Variants in PHF24 observed in about 807,000 individuals in gnomAD.
PHF24 encodes Galpha inhibitory interacting protein.
In PHF24, 25 loss-of-function variants were observed where a neutral mutation model predicts 42.6. The observed-to-expected ratio is 0.59, with a 90% confidence interval of 0.43 to 0.82. The LOEUF (loss-of-function observed/expected upper bound fraction) is 0.82, where lower values mean the gene tolerates loss of function less well. PHF24 is among the 40% of genes least tolerant of loss of function. PHF24 has a pLI of 0.00. For synonymous variants in PHF24, 185 were observed against 204.8 expected (o/e 0.90, Z 0.83); for missense variants, 470 against 538.1 (o/e 0.87, Z 1.25).
At chr9:34,976,368 C>T in intron 4 of PHF24, 138 bp downstream of exon 4, 1 of 965,410 alleles carries the variant, frequency 1.0e-6, no homozygotes, top group Non-Finnish European at 1.6e-6. Context: ...GAGTTGTTGG[C>T]CAGCAGAGTC....
chr9:34,847,556 T>C, the PHF24 span, among the ~76,000 whole-genome samples: 7 of 151,948 alleles, frequency 4.6e-5, no homozygotes, highest in Non-Finnish European at 1.0e-4. Context: ...ACAGGGACAA[T>C]TGGACTTCCT....
chr9:34,900,828 C>T, the PHF24 span, among the ~76,000 whole-genome samples: 1 of 152,152 alleles, frequency 6.6e-6, no homozygotes, highest in Non-Finnish European at 1.5e-5. Context: ...CTCTCTTCTG[C>T]TTTTCTGCCC....
chr9:34,867,804 A>G, the PHF24 span, among the ~76,000 whole-genome samples: 5 of 152,174 alleles, frequency 3.3e-5, no homozygotes, highest in African/African-American at 1.2e-4. Context: ...CTCTCAAACA[A>G]TTCTTCAGGC....
the PHF24 span, chr9:34,893,183 A>G: frequency 2.1e-6 from 1 of 487,588 alleles, no homozygotes; most frequent in African/African-American, 1.9e-5. Flanking sequence ...AACATTAATG[A>G]TGGAGTGACA....
the PHF24 span, among the ~76,000 whole-genome samples, chr9:34,900,311 T>C: frequency 1.3e-5 from 2 of 152,100 alleles, no homozygotes; most frequent in Admixed American, 1.3e-4. Flanking sequence ...AATCAATTAA[T>C]GTGAAGGCCA....
chr9:34,885,839 C>T, the PHF24 span, among the ~76,000 whole-genome samples: 66 of 151,874 alleles, frequency 4.3e-4, no homozygotes, highest in African/African-American at 1.2e-3. Flanking sequence ...TGCCCACCTA[C>T]ACTCTCACAC....
chr9:34,794,216 A>C, the PHF24 span, among the ~76,000 whole-genome samples: 2 of 152,154 alleles, frequency 1.3e-5, no homozygotes, highest in African/African-American at 4.8e-5. Flanking sequence ...TTGGTGGTGC[A>C]CATGCAAGAA....
At chr9:34,685,279 C>A in the PHF24 span, among the ~76,000 whole-genome samples, 1 of 152,192 alleles carries the variant, frequency 6.6e-6, no homozygotes, top group Non-Finnish European at 1.5e-5. Context: ...ATCTGATACT[C>A]CCCTGGGAAT....
chr9:34,846,270 G>T, the PHF24 span, among the ~76,000 whole-genome samples: 1 of 152,170 alleles, frequency 6.6e-6, no homozygotes, highest in East Asian at 1.9e-4. Context: ...TGTTTTTCCC[G>T]ACTTTTTAAT....
the PHF24 span, among the ~76,000 whole-genome samples, chr9:34,670,267 T>C: frequency 2.0e-5 from 3 of 152,222 alleles, no homozygotes; most frequent in Non-Finnish European, 4.4e-5. Context: ...TTATCAAAAC[T>C]GACGGGTTTT....
the PHF24 span, chr9:34,917,554 C>G: frequency 2.6e-6 from 2 of 776,140 alleles, no homozygotes; most frequent in Admixed American, 3.4e-5. Context: ...TGATGAGCAA[C>G]CAGCACCCCT....
At chr9:34,796,531 C>A in the PHF24 span, among the ~76,000 whole-genome samples, 1 of 151,894 alleles carries the variant, frequency 6.6e-6, no homozygotes, top group Admixed American at 6.6e-5. Flanking sequence ...AATAAATGAA[C>A]CAATTTAAAA....
At chr9:34,752,011 G>A in the PHF24 span, among the ~76,000 whole-genome samples, 1 of 151,960 alleles carries the variant, frequency 6.6e-6, no homozygotes, top group Admixed American at 6.6e-5. Flanking sequence ...AAATGATAAT[G>A]GAAACACAAC....
chr9:34,756,414 G>A, the PHF24 span, among the ~76,000 whole-genome samples: 2 of 151,966 alleles, frequency 1.3e-5, no homozygotes, highest in Non-Finnish European at 2.9e-5. Flanking sequence ...TTTTTGTATG[G>A]TGAGTATTCA....
the PHF24 span, among the ~76,000 whole-genome samples, chr9:34,751,374 T>A: frequency 6.6e-6 from 1 of 151,746 alleles, no homozygotes; most frequent in African/African-American, 2.4e-5. Context: ...TCAAAAAAAA[T>A]AAATAAATAA....
the PHF24 span, among the ~76,000 whole-genome samples, chr9:34,826,282 T>C: frequency 5.9e-5 from 9 of 152,198 alleles, no homozygotes; most frequent in Admixed American, 6.5e-5. Flanking sequence ...GGATTGTGCT[T>C]ATCTGTCATA....
chr9:34,762,457 G>A, the PHF24 span, among the ~76,000 whole-genome samples: 1 of 151,286 alleles, frequency 6.6e-6, no homozygotes, highest in Non-Finnish European at 1.5e-5. Context: ...GTGATGGTGA[G>A]CATTTTTTCA....
chr9:34,741,423 T>G, the PHF24 span, among the ~76,000 whole-genome samples: 1 of 151,922 alleles, frequency 6.6e-6, no homozygotes, highest in Non-Finnish European at 1.5e-5. Flanking sequence ...AGTGCAATGC[T>G]ATGATCTTGG....
the PHF24 span, among the ~76,000 whole-genome samples, chr9:34,750,219 A>G: frequency 6.6e-6 from 1 of 152,206 alleles, no homozygotes; most frequent in Non-Finnish European, 1.5e-5. Context: ...TTCAAGACAT[A>G]GTACAATAAG....
Sources: gnomAD v4.1 joint callset for allele counts (sites outside exome capture counted in the v4.1 genomes callset) on GRCh38, gnomAD v4.1.1 for gene constraint, MANE v1.5 for transcripts, NCBI Gene and HGNC (gene_info 2026-07-23, HGNC 2026-07-21) for gene names.